The following SYAP1 variants were observed in gnomAD, a reference collection of about 807,000 sequenced individuals.
The protein encoded by SYAP1 is synapse associated protein 1.
Under a neutral mutation model 29.6 loss-of-function variants are expected in SYAP1, and 3 were observed. The observed-to-expected ratio is 0.10, with a 90% CI of 0.05 to 0.26. The LOEUF is 0.26. Among genes scored for constraint, SYAP1 ranks in the 10% least tolerant of loss-of-function variants. The pLI is 1.00. For missense variants in SYAP1, 217 were observed against 264.1 expected (o/e 0.82, Z 1.24); for synonymous variants, 102 against 102.7 (o/e 0.99, Z 0.04).
chrX:16,755,123 C>A, intron 6 of SYAP1, 30 bp downstream of exon 6: 1 of 1,199,855 alleles, frequency 8.3e-7, no homozygotes, highest in Non-Finnish European at 1.1e-6. Context: ...CAGCACTCTA[C>A]AGAAAAAGTT....
rs1309492513 is a variant in SYAP1, at chrX:16,763,693, G to C, written c.*3334G>C. On this transcript the variant is annotated 3_prime_UTR_variant, in exon 9 of 9. Transcript: ENST00000380155. ...AAAAAACTAGAGAAACATTGTTTCA[G>C]AGATAAAGCAGCAATTACACTTGTA... 9.0e-6 allele frequency: 1 copy of C among 110,901 alleles called. No homozygotes were observed. The highest frequency in any genetic ancestry group is 1.9e-5 in the Non-Finnish European group (1 of 53,042). The allele number at this position is 110,901 out of a possible 1,213,427, so 9.1% of individuals were successfully genotyped here.
intron 2 of SYAP1, among the ~76,000 whole-genome samples, chrX:16,735,684 G>C (rs1926315182): frequency 8.9e-6 from 1 of 111,985 alleles, no homozygotes; most frequent in Non-Finnish European, 1.9e-5. Context: ...GAGTGTGGTG[G>C]TGTGATCTCA....
chrX:16,741,801 G>T lies in SYAP1; in HGVS notation c.435+12G>T. On this transcript the variant is annotated intron_variant, in intron 4 of 8. Transcript: ENST00000380155. ...TGGCCTTATCAGCTGTAAGTATCTT[G>T]TGGTACCCCAGATAGAACATACTTT... 8 of 1,139,949 alleles carry T rather than the reference G, an allele frequency of 7.0e-6. No homozygotes were observed. The highest frequency in any genetic ancestry group is 8.4e-6 in the Non-Finnish European group (7 of 834,902). The allele number at this position is 1,139,949 out of a possible 1,213,427, so 93.9% of individuals were successfully genotyped here.
intron 5 of SYAP1, among the ~76,000 whole-genome samples, chrX:16,744,306 C>T (rs984416466): frequency 3.6e-5 from 4 of 112,449 alleles, no homozygotes; most frequent in African/African-American, 1.3e-4. Flanking sequence ...ATTCTGGAAG[C>T]CTGCCTTGGT....
At chrX:16,754,777 C>G (rs1320918768) in intron 5 of SYAP1, among the ~76,000 whole-genome samples, 168 bp from the exon 6 acceptor site, 2 of 111,185 alleles carry the variant, frequency 1.8e-5, no homozygotes, top group Admixed American at 1.9e-4. Flanking sequence ...GAACCTCACT[C>G]AGCTTTGAAA....
chrX:16,756,999 G>A (rs1926856322), intron 7 of SYAP1, among the ~76,000 whole-genome samples, 163 bp from the exon 8 acceptor site: 1 of 112,543 alleles, frequency 8.9e-6, no homozygotes. Context: ...TAGTTACCAA[G>A]CAACTGCAAG....
chrX:16,731,417 G>A (rs1235525810), intron 1 of SYAP1, among the ~76,000 whole-genome samples: 3 of 111,514 alleles, frequency 2.7e-5, no homozygotes, highest in Non-Finnish European at 5.6e-5. Context: ...GTGATCTGCC[G>A]TAACTGACTC....
At chrX:16,749,469 G>A (rs1007215069) in intron 5 of SYAP1, among the ~76,000 whole-genome samples, 4 of 111,671 alleles carry the variant, frequency 3.6e-5, no homozygotes, top group African/African-American at 1.3e-4. Context: ...CTCTATGACC[G>A]CACCTCTCAT....
chrX:16,744,693 G>A lies in SYAP1; in HGVS notation c.575+853G>A, dbSNP rs189608647. ...CAAAGAAACCAAGAATTAGCCGGGC[G>A]TGGTGGTGTGCACCTTTAGTCCCAG... is the stretch of plus-strand genomic sequence containing the variant. On this transcript the variant is annotated intron_variant, in intron 5 of 8. Coordinates refer to ENST00000380155, the MANE Select transcript of SYAP1 (RefSeq NM_032796.4). Among the ~76,000 whole-genome samples, 41 of 111,203 alleles carry A rather than the reference G, an allele frequency of 3.7e-4. 1 individual carries two copies. The highest frequency in any genetic ancestry group is 1.3e-3 in the African/African-American group (40 of 30,600).
intron 5 of SYAP1, among the ~76,000 whole-genome samples, chrX:16,752,961 G>A (rs1009510582): frequency 6.3e-5 from 7 of 110,912 alleles, no homozygotes. Context: ...CCAATTTGAG[G>A]CCAGGCATGG....
At chrX:16,744,439 G>A (rs369476243) in intron 5 of SYAP1, among the ~76,000 whole-genome samples, 58 of 112,820 alleles carry the variant, frequency 5.1e-4, no homozygotes, top group East Asian at 3.1e-3. Flanking sequence ...TGGAGTCAGC[G>A]TTCCTTCTTA....
At chrX:16,736,267 G>C (rs1372596354) in intron 3 of SYAP1, 35 bp downstream of exon 3, 1 of 972,555 alleles carries the variant, frequency 1.0e-6, no homozygotes, top group African/African-American at 1.9e-5. Context: ...AACCTGCCAG[G>C]TTTTATTGAG....
intron 3 of SYAP1, among the ~76,000 whole-genome samples, chrX:16,741,109 G>A (rs1926449370): frequency 9.0e-6 from 1 of 110,806 alleles, no homozygotes; most frequent in Non-Finnish European, 1.9e-5. Flanking sequence ...GGAAGGCCAT[G>A]ATGTTCATCT....
At chrX:16,740,455 C>T (rs1256851668) in intron 3 of SYAP1, among the ~76,000 whole-genome samples, 2 of 108,545 alleles carry the variant, frequency 1.8e-5, no homozygotes, top group Non-Finnish European at 1.9e-5. Flanking sequence ...TTTTTTCCTC[C>T]AGAAATATAC....
rs1235949665 is a variant in SYAP1 at position 16,763,020 on chromosome X, G to C, written c.*2661G>C. 1 of 111,567 alleles carries C rather than the reference G, an allele frequency of 9.0e-6. No homozygotes were observed. The highest frequency in any genetic ancestry group is 1.9e-5 in the Non-Finnish European group (1 of 53,222). 9.2% of individuals were successfully genotyped at this position (111,567 alleles called of 1,213,427 possible). A position where few individuals can be genotyped will look rare whatever the true frequency, so the allele number is the denominator to read the frequency against. ...AAAGACCCAAGGGCTGGGCATGGTG[G>C]TTCACACCTGTAATCCCAGCACTTT... On this transcript the variant is annotated 3_prime_UTR_variant, in exon 9 of 9. Coordinates refer to ENST00000380155, the MANE Select transcript of SYAP1 (RefSeq NM_032796.4).
intron 1 of SYAP1, among the ~76,000 whole-genome samples, chrX:16,724,606 A>G (rs747415893): frequency 9.0e-6 from 1 of 111,574 alleles, no homozygotes; most frequent in South Asian, 3.8e-4. Flanking sequence ...CGATATGATC[A>G]GGGAACCAAT....
In SYAP1 at chrX:16,719,865, C is replaced by G; in HGVS notation, c.141C>G (p.Asp47Glu). 3 of 1,193,799 alleles carry G rather than the reference C, an allele frequency of 2.5e-6. No homozygotes were observed. The highest frequency in any genetic ancestry group is 3.4e-6 in the Non-Finnish European group (3 of 886,864). Residue 47 changes from aspartate to glutamate, a missense_variant, in exon 1 of 9, where the codon GAC becomes GAG. Physicochemically the swap from Asp to Glu is conservative, Grantham distance 45 (BLOSUM62 2). Coordinates refer to ENST00000380155, the MANE Select transcript of SYAP1 (RefSeq NM_032796.4). ...AGGAGGAGCTGCAGCAAGCGGGAGACCAGGAGCTCCTCCACCAGGCCAAAG... is the reference window on the plus strand; with the variant it reads ...AGGAGGAGCTGCAGCAAGCGGGAGAGCAGGAGCTCCTCCACCAGGCCAAAG... ...SAEEELQQAG[D>E]QELLHQAKDF... is the part of the protein sequence containing the mutation.
chrX:16,754,267 T>G (rs1260054379), intron 5 of SYAP1, among the ~76,000 whole-genome samples: 1 of 111,639 alleles, frequency 9.0e-6, no homozygotes, highest in African/African-American at 3.3e-5. Context: ...GTTTCCCAGG[T>G]TGATTATGCT....
chrX:16,749,144 C>T (rs1406900943), intron 5 of SYAP1, among the ~76,000 whole-genome samples: 2 of 111,020 alleles, frequency 1.8e-5, no homozygotes, highest in Admixed American at 9.7e-5. Context: ...CAGCCTCAAC[C>T]TCCCAGGCTC....
Sources: allele counts gnomAD v4.1 joint callset (sites outside exome capture counted in the v4.1 genomes callset), GRCh38; gene constraint gnomAD v4.1.1; transcripts MANE v1.5; gene names NCBI Gene and HGNC (gene_info 2026-07-23, HGNC 2026-07-21).